TMEM132D: variants seen among roughly 807,000 people sequenced by gnomAD.
TMEM132D encodes transmembrane protein 132D.
Under a neutral mutation model 62.3 loss-of-function variants are expected in TMEM132D, and 21 were observed. The ratio of observed to expected loss-of-function variants is 0.34; its 90% CI spans 0.24 to 0.49. The LOEUF is 0.49. TMEM132D is among the 20% of genes least tolerant of loss of function. TMEM132D has a pLI of 0.99. For synonymous variants in TMEM132D, 621 were observed against 575.6 expected, an observed-to-expected ratio of 1.08 and a Z score of -1.13; for missense variants, 1,346 against 1,402.8, an observed-to-expected ratio of 0.96 and a Z score of 0.65.
intron 3 of TMEM132D, among the ~76,000 whole-genome samples, chr12:129,512,651 A>G (rs958160041): frequency 2.6e-5 from 4 of 152,218 alleles, no homozygotes; most frequent in Non-Finnish European, 2.9e-5. Context: ...ACCGTGATCA[A>G]CTAGGGGCTA....
intron 4 of TMEM132D, among the ~76,000 whole-genome samples, chr12:129,230,388 C>T (rs1879606168): frequency 6.6e-6 from 1 of 152,228 alleles, no homozygotes; most frequent in South Asian, 2.1e-4. Context: ...GATTCATGTC[C>T]TGTCCTCCAA....
chr12:129,143,514 A>G (rs1433199669), intron 5 of TMEM132D, among the ~76,000 whole-genome samples: 3 of 152,326 alleles, frequency 2.0e-5, no homozygotes, highest in African/African-American at 4.8e-5. Context: ...CTTTTGACCC[A>G]TAATCAAGTA....
At chr12:129,548,425 C>A (rs1225989150) in intron 2 of TMEM132D, among the ~76,000 whole-genome samples, 1 of 152,316 alleles carries the variant, frequency 6.6e-6, no homozygotes, top group East Asian at 1.9e-4. Flanking sequence ...TGCTAGGTCT[C>A]CCTTATGGTC....
chr12:129,176,674 C>T (rs1877914945), intron 5 of TMEM132D, among the ~76,000 whole-genome samples: 1 of 152,202 alleles, frequency 6.6e-6, no homozygotes, highest in Admixed American at 6.5e-5. Flanking sequence ...AAGACTTTTG[C>T]CAGGGCCTCT....
intron 1 of TMEM132D, among the ~76,000 whole-genome samples, chr12:129,792,871 C>A (rs1338111347): frequency 6.6e-6 from 1 of 151,964 alleles, no homozygotes; most frequent in Non-Finnish European, 1.5e-5. Flanking sequence ...TTAGGTGGTA[C>A]GGAAAACACA....
intron 2 of TMEM132D, among the ~76,000 whole-genome samples, chr12:129,532,872 G>T (rs1876268340): frequency 6.6e-6 from 1 of 152,182 alleles, no homozygotes; most frequent in East Asian, 1.9e-4. Flanking sequence ...CATCCTGCGT[G>T]ACTCCACGGG....
chr12:129,529,539 C>T (rs538850679), intron 3 of TMEM132D, among the ~76,000 whole-genome samples: 3 of 152,358 alleles, frequency 2.0e-5, no homozygotes, highest in South Asian at 2.1e-4. Flanking sequence ...GTTCAACTCC[C>T]TCAGTCTCTC....
intron 3 of TMEM132D, among the ~76,000 whole-genome samples, chr12:129,524,631 A>G (rs1351008649): frequency 6.6e-6 from 1 of 152,142 alleles, no homozygotes; most frequent in Non-Finnish European, 1.5e-5. Flanking sequence ...CTAAGCTTTT[A>G]TCTAGAGCAT....
intron 1 of TMEM132D, among the ~76,000 whole-genome samples, chr12:129,820,253 T>A (rs753836044): frequency 2.6e-5 from 4 of 152,208 alleles, no homozygotes; most frequent in Non-Finnish European, 5.9e-5. Flanking sequence ...GATGGTGCTC[T>A]TAACCCACTC....
chr12:129,144,173 T>A (rs1447072566), intron 5 of TMEM132D, among the ~76,000 whole-genome samples: 2 of 151,928 alleles, frequency 1.3e-5, no homozygotes, highest in East Asian at 3.9e-4. Context: ...GGGTGGGATC[T>A]AGGATGAAGG....
intron 3 of TMEM132D, among the ~76,000 whole-genome samples, chr12:129,473,420 C>T (rs1874163198): frequency 6.7e-6 from 1 of 149,962 alleles, no homozygotes; most frequent in South Asian, 2.1e-4. Context: ...ACCTCCACCT[C>T]CCAGGTTCAA....
intron 1 of TMEM132D, among the ~76,000 whole-genome samples, chr12:129,884,500 T>A (rs902302349): frequency 2.0e-5 from 3 of 152,192 alleles, no homozygotes; most frequent in African/African-American, 7.2e-5. Context: ...TGGCAAATAA[T>A]CACACTAAAT....
chr12:129,601,942 C>T (rs1878493721), intron 2 of TMEM132D, among the ~76,000 whole-genome samples: 1 of 151,920 alleles, frequency 6.6e-6, no homozygotes, highest in South Asian at 2.1e-4. Flanking sequence ...TTGCCATAAA[C>T]CTTCAATTTA....
chr12:129,210,912 C>T (rs1224297543), intron 4 of TMEM132D: 13 of 152,432 alleles, frequency 8.5e-5, no homozygotes, highest in Admixed American at 7.8e-4. Context: ...TCATGACACC[C>T]TGCATCTCTC....
chr12:129,224,642 T>C (rs908096343), intron 4 of TMEM132D, among the ~76,000 whole-genome samples: 2 of 152,186 alleles, frequency 1.3e-5, no homozygotes, highest in African/African-American at 4.8e-5. Flanking sequence ...GCACGGTGGC[T>C]CATGCCTATA....
At chr12:129,314,879 A>G (rs1351045424) in intron 4 of TMEM132D, among the ~76,000 whole-genome samples, 1 of 151,656 alleles carries the variant, frequency 6.6e-6, no homozygotes, top group Non-Finnish European at 1.5e-5. Flanking sequence ...TTATTTATTT[A>G]TTTATCTATC....
intron 1 of TMEM132D, among the ~76,000 whole-genome samples, chr12:129,718,228 G>A (rs1000849140): frequency 4.6e-5 from 7 of 152,186 alleles, no homozygotes; most frequent in Non-Finnish European, 7.3e-5. Context: ...CAGTGGTCAG[G>A]GAGATGGAAC....
chr12:129,736,636 G>A (rs1869433323), intron 1 of TMEM132D, among the ~76,000 whole-genome samples: 1 of 151,484 alleles, frequency 6.6e-6, no homozygotes, highest in African/African-American at 2.4e-5. Flanking sequence ...TTTCTAATTT[G>A]CCACATATAA....
chr12:129,591,266 A>G (rs1423645783), intron 2 of TMEM132D, among the ~76,000 whole-genome samples: 1 of 152,182 alleles, frequency 6.6e-6, no homozygotes, highest in Non-Finnish European at 1.5e-5. Context: ...TAACCCTTAA[A>G]TGACAACATC....
Sources: gnomAD v4.1 joint callset for allele counts (sites outside exome capture counted in the v4.1 genomes callset) on GRCh38, gnomAD v4.1.1 for gene constraint, MANE v1.5 for transcripts, NCBI Gene and HGNC (gene_info 2026-07-23, HGNC 2026-07-21) for gene names.